REEP1: variants seen among roughly 807,000 people sequenced by gnomAD.
REEP1 encodes the protein receptor accessory protein 1.
A neutral mutation model predicts 40.3 loss-of-function variants in REEP1; 22 were observed. The observed-to-expected ratio is 0.55, with a 90% CI of 0.39 to 0.78. REEP1 has a LOEUF of 0.78. REEP1 is among the 30% of genes least tolerant of loss of function. REEP1 has a pLI of 0.00. For missense variants in REEP1, 280 were observed against 361.1 expected, an observed-to-expected ratio of 0.78 and a Z score of 1.82; for synonymous variants, 116 against 139.2, an observed-to-expected ratio of 0.83 and a Z score of 1.17.
intron 5 of REEP1, among the ~76,000 whole-genome samples, chr2:86,241,734 C>T (rs1675676203): frequency 6.6e-6 from 1 of 152,326 alleles, no homozygotes; most frequent in South Asian, 2.1e-4. Flanking sequence ...TGCTTGGTTT[C>T]CTCCCTGAAG....
At chr2:86,281,622 C>G (rs1370911555) in intron 2 of REEP1, among the ~76,000 whole-genome samples, 1 of 152,000 alleles carries the variant, frequency 6.6e-6, no homozygotes, top group African/African-American at 2.4e-5. Flanking sequence ...AGTGAGACTC[C>G]GGCTCAAAAA....
At chr2:86,233,356 G>A (rs1045072783) in intron 5 of REEP1, among the ~76,000 whole-genome samples, 11 of 152,032 alleles carry the variant, frequency 7.2e-5, no homozygotes, top group African/African-American at 1.7e-4. Context: ...TACTGTCTAC[G>A]AGGCACATTT....
At chr2:86,319,949 A>G (rs988790100) in intron 1 of REEP1, among the ~76,000 whole-genome samples, 1 of 152,216 alleles carries the variant, frequency 6.6e-6, no homozygotes, top group Non-Finnish European at 1.5e-5. Context: ...AAGGCAGGGA[A>G]CAGATTCTTC....
chr2:86,305,838 C>T (rs1176750285), intron 1 of REEP1, among the ~76,000 whole-genome samples: 1 of 152,158 alleles, frequency 6.6e-6, no homozygotes, highest in Non-Finnish European at 1.5e-5. Context: ...CCGGAGGACT[C>T]GAGAAACTTC....
At chr2:86,242,507 C>T (rs957805794) in intron 5 of REEP1, among the ~76,000 whole-genome samples, 1 of 65,862 alleles carries the variant, frequency 1.5e-5, no homozygotes, top group Non-Finnish European at 4.8e-5. Flanking sequence ...ACGGCATTAA[C>T]CTGGAGGAGA....
At chr2:86,333,520 T>C (rs1445938635) in intron 1 of REEP1, among the ~76,000 whole-genome samples, 1 of 152,254 alleles carries the variant, frequency 6.6e-6, no homozygotes, top group African/African-American at 2.4e-5. Flanking sequence ...CTTTCCCCCA[T>C]GTAGTGAGCT....
At chr2:86,312,037 T>G (rs7571424) in intron 1 of REEP1, among the ~76,000 whole-genome samples, 1 of 151,970 alleles carries the variant, frequency 6.6e-6, no homozygotes, top group Non-Finnish European at 1.5e-5. Flanking sequence ...GCCCTCTCTT[T>G]TCATTCTCAC....
At chr2:86,280,269 A>C (rs1678001793) in intron 2 of REEP1, among the ~76,000 whole-genome samples, 1 of 152,206 alleles carries the variant, frequency 6.6e-6, no homozygotes, top group African/African-American at 2.4e-5. Context: ...AAACTCTTGC[A>C]CGTTCCCTAC....
chr2:86,224,004 C>A (rs7422930), intron 7 of REEP1, among the ~76,000 whole-genome samples: 58,596 of 151,916 alleles, frequency 0.39, 13,020 homozygotes, highest in Non-Finnish European at 0.51. Flanking sequence ...GGGGCAGGAA[C>A]AGAGCAAAGA....
chr2:86,317,507 A>G (rs918677500), intron 1 of REEP1, among the ~76,000 whole-genome samples: 3 of 152,176 alleles, frequency 2.0e-5, no homozygotes, highest in Admixed American at 6.5e-5. Context: ...TTTCAACAAT[A>G]TTACCAAGAC....
rs551468138 is a variant in REEP1 at position 86,252,065 on chromosome 2, G to T, written c.309C>A (p.Ile103=). The change falls in exon 5 of 9, where the codon ATC becomes ATA. Residue 103 remains isoleucine, a synonymous_variant. Transcript: ENST00000538924. ...CTTTTGCTTGGACCAGACAATCATC[G>T]ATTTCCTGTCAAAGGAAAAACAGAG... ...HPTLSSKEKE[I]DDCLVQAKDR... The T allele has an allele frequency of 3.7e-5, 60 of 1,610,754 alleles. No homozygotes were observed. The highest frequency in any genetic ancestry group is 1.3e-5 in the Non-Finnish European group (15 of 1,177,166).
intron 1 of REEP1, among the ~76,000 whole-genome samples, chr2:86,301,463 C>T (rs1679253495): frequency 6.6e-6 from 1 of 152,222 alleles, no homozygotes; most frequent in African/African-American, 2.4e-5. Flanking sequence ...CTCTAAGATT[C>T]AGTCCCCTCA....
intron 2 of REEP1, among the ~76,000 whole-genome samples, chr2:86,266,476 G>A (rs920426700): frequency 6.0e-5 from 9 of 150,238 alleles, no homozygotes; most frequent in South Asian, 2.1e-4. Context: ...AAAATTAGCC[G>A]GGCGCGGTGG....
chr2:86,337,675 G>T (rs1379688071), upstream of REEP1: 7 of 1,005,756 alleles, frequency 7.0e-6, no homozygotes, highest in East Asian at 7.2e-4. The surrounding 1 kb of genome is among the most constrained non-coding windows in gnomAD (Gnocchi z 5.8). Flanking sequence ...CGCAGCCGCG[G>T]CACGTTCTGG....
intron 1 of REEP1, among the ~76,000 whole-genome samples, chr2:86,293,137 C>T (rs977289808): frequency 6.6e-6 from 1 of 152,128 alleles, no homozygotes; most frequent in Non-Finnish European, 1.5e-5. Flanking sequence ...TTATTCAGTC[C>T]CTACTCTGTG....
At chr2:86,319,332 TAA>T (rs1179724550) in intron 1 of REEP1, among the ~76,000 whole-genome samples, 1 of 152,188 alleles carries the variant, frequency 6.6e-6, no homozygotes, top group Non-Finnish European at 1.5e-5. Context: ...CATCCTTCTA[TAA>T]AGCTTGGACC....
At chr2:86,309,871 G>A (rs931892682) in intron 1 of REEP1, among the ~76,000 whole-genome samples, 3 of 152,146 alleles carry the variant, frequency 2.0e-5, no homozygotes, top group Non-Finnish European at 4.4e-5. Context: ...GCAATTGGCT[G>A]CCTCTGAATC....
chr2:86,247,023 AAT>A (rs2104184210), intron 5 of REEP1, among the ~76,000 whole-genome samples: 1 of 152,052 alleles, frequency 6.6e-6, no homozygotes, highest in East Asian at 1.9e-4. Flanking sequence ...TTCATGTGAG[AAT>A]ATGTTTTGCT....
rs1042871316 is a variant in REEP1 at position 86,289,722 on chromosome 2, G to A, written c.33-7480C>T. On this transcript the variant is annotated intron_variant, in intron 1 of 8. Coordinates refer to ENST00000538924, the MANE Select transcript of REEP1 (RefSeq NM_001371279.1). Reference sequence around the variant, plus strand: ...CTTTAATGTCTTTTTATTATATGTTGTAAATTTCTCCATAAAGATCTTGTA... The same window carrying A: ...CTTTAATGTCTTTTTATTATATGTTATAAATTTCTCCATAAAGATCTTGTA... Among the ~76,000 whole-genome samples, 11 of 152,150 alleles carry A rather than the reference G, an allele frequency of 7.2e-5. 1 individual carries two copies.
Sources: allele counts gnomAD v4.1 joint callset (sites outside exome capture counted in the v4.1 genomes callset), GRCh38; gene constraint gnomAD v4.1.1; non-coding constraint Gnocchi (gnomAD v3.1); transcripts MANE v1.5; gene names NCBI Gene and HGNC (gene_info 2026-07-23, HGNC 2026-07-21).